LAMB3: variants seen among roughly 807,000 people sequenced by gnomAD.
The protein encoded by LAMB3 is laminin subunit beta 3, also known as laminin subunit beta-3.
In LAMB3, 104 loss-of-function variants were observed where a neutral mutation model predicts 140.3. The observed-to-expected ratio is 0.74, with a 90% CI of 0.63 to 0.87. The LOEUF is 0.87. Ranked by LOEUF, LAMB3 falls within the 40% of genes least tolerant of loss-of-function variation. The pLI, the probability that LAMB3 is intolerant of heterozygous loss-of-function variation, is 0.00. For synonymous variants in LAMB3, 592 were observed against 602.9 expected, an observed-to-expected ratio of 0.98 and a Z score of 0.26; for missense variants, 1,531 against 1,575.2, an observed-to-expected ratio of 0.97 and a Z score of 0.47.
chr1:209,632,611 G>A lies in LAMB3; in HGVS notation c.794C>T (p.Ala265Val). The A allele has an allele frequency of 1.9e-6, 3 of 1,614,032 alleles. No homozygotes were observed. Among genetic ancestry groups the A allele is most frequent in the Non-Finnish European group, 2.5e-6 (3 of 1,179,894 alleles). Residue 265 changes from alanine (A) to valine (V), a missense_variant, in exon 8 of 23, where the codon GCC becomes GTC. Ala to Val is a moderately conservative substitution (Grantham distance 64). Coordinates refer to ENST00000356082, the MANE Select transcript of LAMB3 (RefSeq NM_000228.3). ...HADRCAPKPG[A>V]SAGPSTAVQV... Reference sequence around the variant, plus strand: ...CACAGCGGTGGAGGGGCCTGCAGAGGCCCCAGGCTTGGGTGCGCAGCGATC... The same window carrying A: ...CACAGCGGTGGAGGGGCCTGCAGAGACCCCAGGCTTGGGTGCGCAGCGATC...
In LAMB3 at chr1:209,623,365, C is replaced by G; in HGVS notation, c.2358+140G>C. On this transcript the variant is annotated intron_variant, in intron 16 of 22. Transcript: ENST00000356082. This position sits in a 1 kb window ranked among gnomAD's most constrained non-coding sequence, Gnocchi z 4.2. ...TGGCAACCACTGAGCTCACAGTGAGCAGTACAAGGGTCGGGATGGCTGGGG... is the reference window on the plus strand; with the variant it reads ...TGGCAACCACTGAGCTCACAGTGAGGAGTACAAGGGTCGGGATGGCTGGGG... The G allele has an allele frequency of 9.8e-7, 1 of 1,019,520 alleles. No individual in the cohort carries two copies. The highest frequency in any genetic ancestry group is 1.5e-6 in the Non-Finnish European group (1 of 656,234). 63.2% of individuals were successfully genotyped at this position (1,019,520 alleles called of 1,614,324 possible).
chr1:209,639,028 A>T (rs761717679), intron 3 of LAMB3, among the ~76,000 whole-genome samples: 5 of 151,868 alleles, frequency 3.3e-5, no homozygotes, highest in Non-Finnish European at 7.4e-5. Context: ...TCTACGACAT[A>T]CTGGGCACAG....
At position 209,632,679 on chromosome 1, in the gene LAMB3, G is replaced by C. The variant is rs2102434595; in HGVS notation, c.726C>G (p.Ser242=). ...YHPPSAYYAV[S]QLRLQGSCFC... Reference sequence around the variant, plus strand: ...AGCAGCTCCCCTGCAGACGGAGCTGGGACACAGCATAGTAGGCGCTGGGAG... The same window carrying C: ...AGCAGCTCCCCTGCAGACGGAGCTGCGACACAGCATAGTAGGCGCTGGGAG... Residue 242 remains serine, a synonymous_variant, in exon 8 of 23, where the codon TCC becomes TCG. Coordinates refer to ENST00000356082, the MANE Select transcript of LAMB3 (RefSeq NM_000228.3). 1 of 1,614,154 alleles carries C rather than the reference G, an allele frequency of 6.2e-7. No homozygotes were observed. The highest frequency in any genetic ancestry group is 2.2e-5 in the East Asian group (1 of 44,868).
chr1:209,632,545 TG>T (rs773389647), intron 8 of LAMB3, 37 bp downstream of exon 8: 1 of 1,572,010 alleles, frequency 6.4e-7, no homozygotes, highest in African/African-American at 1.4e-5. Flanking sequence ...GCCCTGGTCC[TG>T]CCCCCTTCCT....
chr1:209,619,555 G>A (rs1410049144), intron 18 of LAMB3, among the ~76,000 whole-genome samples: 2 of 152,182 alleles, frequency 1.3e-5, no homozygotes, highest in Non-Finnish European at 2.9e-5. Context: ...CAATCTGAAG[G>A]TACAACATGA....
chr1:209,622,259 T>A (rs1666224398), intron 18 of LAMB3, among the ~76,000 whole-genome samples: 1 of 152,184 alleles, frequency 6.6e-6, no homozygotes, highest in Admixed American at 6.5e-5. Flanking sequence ...CACTGAAGGA[T>A]TTTAAGCAGG....
intron 21 of LAMB3, 93 bp downstream of exon 21, chr1:209,617,317 A>G: frequency 7.3e-7 from 1 of 1,361,412 alleles, no homozygotes; most frequent in Middle Eastern, 2.5e-4. Context: ...AGCACTTTTG[A>G]GTTTGTGGTC....
At position 209,618,757 on chromosome 1, in the gene LAMB3, G is replaced by C. The variant is rs1666084691; in HGVS notation, c.2702-98C>G. 4 of 1,163,908 alleles carry C rather than the reference G, an allele frequency of 3.4e-6. No individual in the cohort carries two copies. In the East Asian group the frequency reaches 1.0e-4, roughly 30 times the overall value. 72.1% of individuals were successfully genotyped at this position (1,163,908 alleles called of 1,614,324 possible). The stretch of plus-strand genomic sequence containing the variant: ...GCAGCACTTGTGGAAGGCACCCACA[G>C]TGGCCCCTCTACCGTGGTGTCCCAA... On this transcript the variant is annotated intron_variant, in intron 18 of 22. Transcript: ENST00000356082.
intron 21 of LAMB3, 39 bp from the exon 22 acceptor site, chr1:209,616,663 T>C (rs763552369): frequency 1.9e-6 from 3 of 1,607,440 alleles, no homozygotes; most frequent in South Asian, 2.2e-5. Flanking sequence ...ATTGTCATCA[T>C]GCAAGGTCCT....
chr1:209,629,991 A>G, intron 9 of LAMB3, 66 bp from the exon 10 acceptor site: 1 of 1,470,572 alleles, frequency 6.8e-7, no homozygotes, highest in South Asian at 1.1e-5. Context: ...AGCATGCTCC[A>G]CAAAAGCTCA....
In LAMB3 at chr1:209,618,343, AC is replaced by A. The variant is rs1666060611; in HGVS notation, c.2909+108del. 7.2e-6 allele frequency: 8 copies of A among 1,111,988 alleles called. No individual in the cohort carries two copies. In the South Asian group the frequency reaches 9.2e-5, roughly 13 times the overall value. The allele number at this position is 1,111,988 out of a possible 1,614,324, so 68.9% of individuals were successfully genotyped here. A position where few individuals can be genotyped will look rare whatever the true frequency, so the allele number is the denominator to read the frequency against. The stretch of plus-strand genomic sequence containing the variant: ...TGTACCACTCTCCACCATGGTAAGC[AC>A]CCCCTCCTGTCTCCCAGCCCTCTGT... On this transcript the variant is annotated intron_variant, in intron 19 of 22. Transcript: ENST00000356082.
chr1:209,622,382 GAGA>G (rs1354952422), intron 18 of LAMB3, among the ~76,000 whole-genome samples, 151 bp downstream of exon 18: 1 of 152,214 alleles, frequency 6.6e-6, no homozygotes, highest in Non-Finnish European at 1.5e-5. Flanking sequence ...ACGGGAGAAC[GAGA>G]AGGTCATGGC....
At position 209,623,664 on chromosome 1, in the gene LAMB3, G is replaced by A. The variant is rs748747266; in HGVS notation, c.2199C>T (p.Ser733=). The A allele has an allele frequency of 1.9e-5, 31 of 1,614,062 alleles. No individual in the cohort carries two copies. The highest frequency in any genetic ancestry group is 5.0e-5 in the Admixed American group (3 of 60,008). Residue 733 remains serine (S), a synonymous_variant, in exon 16 of 23, where the codon TCC becomes TCT. Coordinates refer to ENST00000356082, the MANE Select transcript of LAMB3 (RefSeq NM_000228.3). This position sits in a 1 kb window ranked among gnomAD's most constrained non-coding sequence, Gnocchi z 4.2. ...GCTGGTCCAAAAGGCGCGAGCTGTC[G>A]GAGACCTGCTGAGCAGCCTGGGCTG... ...EQSAQAAQQV[S]DSSRLLDQLR...
intron 3 of LAMB3, among the ~76,000 whole-genome samples, chr1:209,648,811 T>TA (rs1370433980): frequency 1.3e-5 from 2 of 152,112 alleles, no homozygotes; most frequent in Admixed American, 6.5e-5. Context: ...ATTTGGAGGT[T>TA]ATGGGTGGAG....
Position 209,650,036 on chromosome 1 carries a change from C to T in LAMB3, c.111G>A (p.Arg37=). 1 of 1,614,160 alleles carries T rather than the reference C, an allele frequency of 6.2e-7. No individual in the cohort carries two copies. The highest frequency in any genetic ancestry group is 1.1e-5 in the South Asian group (1 of 91,080). The change falls in exon 3 of 23, where the codon AGG becomes AGA. Residue 37 remains arginine, a synonymous_variant. Coordinates refer to ENST00000356082, the MANE Select transcript of LAMB3 (RefSeq NM_000228.3). ...YPPVGDLLVG[R]TRFLRASSTC... ...TAGATGAAGCTCGGAGAAACCGGGT[C>T]CTCCCAACAAGCAGGTCCCCAACAG...
intron 7 of LAMB3, 81 bp from the exon 8 acceptor site, chr1:209,632,857 T>C (rs1005888734): frequency 3.7e-5 from 51 of 1,376,402 alleles, no homozygotes; most frequent in South Asian, 2.5e-4. Flanking sequence ...TAGAGTCTCC[T>C]TCATATGTGA....
At chr1:209,643,820 A>G (rs1414210317) in intron 3 of LAMB3, among the ~76,000 whole-genome samples, 1 of 152,206 alleles carries the variant, frequency 6.6e-6, no homozygotes, top group African/African-American at 2.4e-5. Flanking sequence ...AAAAAAAAAA[A>G]AAATCTAGCT....
rs147801427 is a variant in LAMB3, at chr1:209,623,964, C to T, written c.2013G>A (p.Leu671=). The T allele has an allele frequency of 6.2e-7, 1 of 1,614,074 alleles. No homozygotes were observed. Among genetic ancestry groups the T allele is most frequent in the Non-Finnish European group, 8.5e-7 (1 of 1,180,018 alleles). Residue 671 remains leucine (L), a synonymous_variant, in exon 15 of 23, where the codon CTG becomes CTA. Transcript: ENST00000356082. The surrounding 1 kb of genome is among the most constrained non-coding windows in gnomAD (Gnocchi z 4.2). The part of the protein sequence containing the change: ...TLQGLQLDLP[L]EEETLSLPRD... ...TCGGAAGGGACAACGTCTCCTCCTC[C>T]AGGGGCAGATCCAGCTGCAGGCCCT... is the stretch of plus-strand genomic sequence containing the variant.
At chr1:209,638,415 C>T (rs1666961906) in intron 4 of LAMB3, 119 bp downstream of exon 4, 6 of 738,416 alleles carry the variant, frequency 8.1e-6, no homozygotes, top group East Asian at 2.6e-5. Flanking sequence ...TTATCAATCA[C>T]CCATGTCACA....
Sources: allele counts gnomAD v4.1 joint callset (sites outside exome capture counted in the v4.1 genomes callset), GRCh38; gene constraint gnomAD v4.1.1; non-coding constraint Gnocchi (gnomAD v3.1); transcripts MANE v1.5; gene names NCBI Gene and HGNC (gene_info 2026-07-23, HGNC 2026-07-21).